The following PHLDB2 variants were observed in gnomAD, a reference collection of about 807,000 sequenced individuals.
PHLDB2 encodes the protein pleckstrin homology like domain family B member 2.
A neutral mutation model predicts 123.6 loss-of-function variants in PHLDB2; 71 were observed. The observed-to-expected ratio is 0.57, with a 90% CI of 0.47 to 0.70. The LOEUF is 0.70. Among genes scored for constraint, PHLDB2 ranks in the 30% least tolerant of loss-of-function variants. The pLI is 0.00. For missense variants in PHLDB2, 1,446 were observed against 1,519.5 expected (o/e 0.95, Z 0.80); for synonymous variants, 547 against 541.6 (o/e 1.01, Z -0.14).
chr3:111,782,772 T>C (rs991426856), intron 1 of PHLDB2, among the ~76,000 whole-genome samples: 7 of 152,120 alleles, frequency 4.6e-5, no homozygotes, highest in African/African-American at 1.7e-4. Context: ...TCTCTACTTT[T>C]CTCATCATTT....
At chr3:111,779,629 G>A (rs370301577) in intron 1 of PHLDB2, among the ~76,000 whole-genome samples, 10 of 152,114 alleles carry the variant, frequency 6.6e-5, no homozygotes, top group Admixed American at 3.9e-4. Flanking sequence ...TGGTGTATAT[G>A]TACTACATTT....
intron 2 of PHLDB2, among the ~76,000 whole-genome samples, chr3:111,893,093 CA>C (rs2066597435): frequency 2.3e-5 from 1 of 43,044 alleles, no homozygotes; most frequent in South Asian, 8.6e-4. Flanking sequence ...GAGTCCTGAC[CA>C]CCCCCCCAAA....
rs186735964 is a variant in PHLDB2, at chr3:111,961,106, G to A, written c.2873-1002G>A. 9.8e-4 allele frequency among the ~76,000 whole-genome samples: 149 copies of A among 152,320 alleles called. No individual in the cohort carries two copies. In the South Asian group the frequency reaches 0.01, roughly 10 times the overall value. On this transcript the variant is annotated intron_variant, in intron 12 of 17. Coordinates refer to ENST00000431670, the MANE Select transcript of PHLDB2 (RefSeq NM_001134438.2). ...CCAGCACTTTGGGAGGCCGAGGCAGGCAGATCACAAGGTCAAGAGATCAGG... is the reference window on the plus strand; with the variant it reads ...CCAGCACTTTGGGAGGCCGAGGCAGACAGATCACAAGGTCAAGAGATCAGG...
intron 2 of PHLDB2, among the ~76,000 whole-genome samples, chr3:111,901,260 T>C (rs967441022): frequency 6.6e-6 from 1 of 151,552 alleles, no homozygotes. Context: ...CTCAGGAGGC[T>C]GAGGCAGGAA....
chr3:111,839,940 C>CCTTTT, intron 1 of PHLDB2, among the ~76,000 whole-genome samples: 1 of 64,946 alleles, frequency 1.5e-5, no homozygotes, highest in Admixed American at 2.7e-4. Flanking sequence ...CCCACCCCCG[C>CCTTTT]TTTTTTTTTT....
intron 1 of PHLDB2, among the ~76,000 whole-genome samples, chr3:111,757,665 C>G (rs750488901): frequency 6.6e-5 from 10 of 152,166 alleles, no homozygotes; most frequent in Non-Finnish European, 1.0e-4. Context: ...TTTAGAGTTT[C>G]CAGTTTTTCT....
chr3:111,904,569 G>T (rs1177674045), intron 2 of PHLDB2, among the ~76,000 whole-genome samples: 1 of 152,094 alleles, frequency 6.6e-6, no homozygotes, highest in Non-Finnish European at 1.5e-5. Context: ...CAGCTTCTTG[G>T]AGATTGGGAG....
intron 9 of PHLDB2, among the ~76,000 whole-genome samples, chr3:111,946,923 T>C (rs1483862947): frequency 6.6e-6 from 1 of 152,134 alleles, no homozygotes; most frequent in East Asian, 1.9e-4. Flanking sequence ...GGCAGAGAGA[T>C]AGAAGGAGTT....
At chr3:111,870,506 T>C (rs1344853380) in intron 1 of PHLDB2, among the ~76,000 whole-genome samples, 2 of 152,188 alleles carry the variant, frequency 1.3e-5, no homozygotes, top group Non-Finnish European at 2.9e-5. Flanking sequence ...AGTGGTTGTT[T>C]CTGGAGCTTC....
intron 1 of PHLDB2, among the ~76,000 whole-genome samples, chr3:111,870,546 T>A (rs1015934759): frequency 6.6e-6 from 1 of 152,270 alleles, no homozygotes; most frequent in African/African-American, 2.4e-5. Context: ...CCATGTGTTT[T>A]GATGTTGGGA....
In PHLDB2 at chr3:111,942,421, T is replaced by C. The variant is rs1337992115; in HGVS notation, c.2397+1776T>C. On this transcript the variant is annotated intron_variant, in intron 8 of 17. Coordinates refer to ENST00000431670, the MANE Select transcript of PHLDB2 (RefSeq NM_001134438.2). ...CTAAAATGTATTTGTAACCTCTAAA[T>C]TGATACTTGTGGCACTTTTGCAGTC... Among the ~76,000 whole-genome samples the C allele has an allele frequency of 2.0e-5, 3 of 152,212 alleles. No homozygotes were observed. The East Asian group carries it at 5.8e-4, about 29-fold the overall frequency.
intron 1 of PHLDB2, among the ~76,000 whole-genome samples, chr3:111,753,807 AT>A (rs1169119225): frequency 6.6e-6 from 1 of 152,186 alleles, no homozygotes; most frequent in Non-Finnish European, 1.5e-5. Context: ...TCTTTAATCC[AT>A]CTTGAATTAA....
chr3:111,831,042 GAAGA>G lies in PHLDB2; in HGVS notation c.-48-14774_-48-14771del, dbSNP rs1197774633. Among the ~76,000 whole-genome samples the G allele has an allele frequency of 4.5e-4, 47 of 105,426 alleles. 2 individuals are homozygous for G. The highest frequency in any genetic ancestry group is 2.3e-3 in the Admixed American group (26 of 11,222). The allele number at this position is 105,426 out of a possible 152,430, so 69.2% of individuals were successfully genotyped here. ...GAAAGAAAGAAAGAAAGGAAGGAAG[GAAGA>G]AAGAGAAAAGAGAGAGATAGAGAGA... On this transcript the variant is annotated intron_variant, in intron 1 of 17. Transcript: ENST00000393923.
At position 111,962,135 on chromosome 3, in the gene PHLDB2, G is replaced by A; in HGVS notation, c.2900G>A (p.Gly967Glu). 6.3e-7 allele frequency: 1 copy of A among 1,581,828 alleles called. No individual in the cohort carries two copies. Among genetic ancestry groups the A allele is most frequent in the Non-Finnish European group, 8.5e-7 (1 of 1,171,468 alleles). ...RGYNHQQMSE[G>E]HRQKSEFYNR... Reference sequence around the variant, plus strand: ...TATAATCACCAACAGATGAGTGAAGGACACAGGCAGAAATCTGAATTTTAT... The same window carrying A: ...TATAATCACCAACAGATGAGTGAAGAACACAGGCAGAAATCTGAATTTTAT... The change falls in exon 13 of 18, where the codon GGA (glycine) becomes GAA (glutamate). Residue 967 changes from glycine (G) to glutamate (E), a missense_variant. By Grantham distance (98) the Gly-to-Glu change is moderately conservative. Transcript: ENST00000431670.
chr3:111,911,261 G>T (rs984627510), intron 2 of PHLDB2, among the ~76,000 whole-genome samples: 1 of 152,168 alleles, frequency 6.6e-6, no homozygotes. Context: ...TTATGCCAAG[G>T]CTAATGTATA....
Position 111,962,307 on chromosome 3 carries a change from C to A in PHLDB2, c.3072C>A (p.Ile1024=). Residue 1024 remains isoleucine (I), a synonymous_variant, in exon 13 of 18, where the codon ATC becomes ATA. Coordinates refer to ENST00000431670, the MANE Select transcript of PHLDB2 (RefSeq NM_001134438.2). ...TSISACSPDN[I]SSASTSNIAR... is the part of the protein sequence containing the mutation. Reference sequence around the variant, plus strand: ...TCTCTGCTTGCTCACCAGACAACATCTCTAGGTAAGATTTATTTATGGGTA... The same window carrying A: ...TCTCTGCTTGCTCACCAGACAACATATCTAGGTAAGATTTATTTATGGGTA... The A allele has an allele frequency of 6.3e-7, 1 of 1,590,058 alleles. No homozygotes were observed. Among genetic ancestry groups the A allele is most frequent in the Non-Finnish European group, 8.5e-7 (1 of 1,173,950 alleles).
At position 111,774,404 on chromosome 3, in the gene PHLDB2, A is replaced by G. The variant is rs192376771; in HGVS notation, c.-49+41701A>G. On this transcript the variant is annotated intron_variant, in intron 1 of 17. Transcript: ENST00000393923. ...TTGATCAAAGTCCTGGTGCTAATGTATGCTCTATCTCCTGGAAGTTAATGG... is the reference window on the plus strand; with the variant it reads ...TTGATCAAAGTCCTGGTGCTAATGTGTGCTCTATCTCCTGGAAGTTAATGG... 8.8e-4 allele frequency among the ~76,000 whole-genome samples: 134 copies of G among 152,306 alleles called. No individual in the cohort carries two copies. The East Asian group carries it at 0.012, about 14-fold the overall frequency.
At chr3:111,770,285 C>T (rs899307255) in intron 1 of PHLDB2, among the ~76,000 whole-genome samples, 4 of 152,182 alleles carry the variant, frequency 2.6e-5, no homozygotes, top group African/African-American at 9.7e-5. Flanking sequence ...TATCCCTAAG[C>T]AAGTACTTAG....
chr3:111,800,475 T>C (rs1032664701), intron 1 of PHLDB2, among the ~76,000 whole-genome samples: 2 of 152,254 alleles, frequency 1.3e-5, no homozygotes, highest in Non-Finnish European at 2.9e-5. Flanking sequence ...GCATATATCA[T>C]TTTAAAACTA....
Sources: gnomAD v4.1 joint callset for allele counts (sites outside exome capture counted in the v4.1 genomes callset) on GRCh38, gnomAD v4.1.1 for gene constraint, MANE v1.5 for transcripts, NCBI Gene and HGNC (gene_info 2026-07-23, HGNC 2026-07-21) for gene names.